Variants in TBL1X observed in about 807,000 individuals in gnomAD.
TBL1X encodes F-box-like/WD repeat-containing protein TBL1X.
In TBL1X, 10 loss-of-function variants were observed where a neutral mutation model predicts 50.7. The observed-to-expected ratio is 0.20, with a 90% CI of 0.12 to 0.33. TBL1X has a LOEUF of 0.33. Ranked by LOEUF, TBL1X falls within the 10% of genes least tolerant of loss-of-function variation. The pLI is 1.00. For missense variants in TBL1X, 340 were observed against 504.4 expected (o/e 0.67, Z 3.12); for synonymous variants, 190 against 214.7 (o/e 0.88, Z 1.01).
chrX:9,471,683 C>T (rs375812037), intron 1 of TBL1X, among the ~76,000 whole-genome samples: 4 of 111,747 alleles, frequency 3.6e-5, no homozygotes, highest in South Asian at 3.7e-4. Flanking sequence ...CCGGGGAGTG[C>T]GGCAGTTCTC....
At chrX:9,533,969 C>T (rs1043986604) in intron 2 of TBL1X, among the ~76,000 whole-genome samples, 3 of 111,492 alleles carry the variant, frequency 2.7e-5, no homozygotes, top group Non-Finnish European at 3.8e-5. Context: ...ACCGGCTTGC[C>T]GTGCCCAGTG....
chrX:9,502,326 C>T (rs2082005413), intron 2 of TBL1X, among the ~76,000 whole-genome samples: 1 of 112,457 alleles, frequency 8.9e-6, no homozygotes, highest in Non-Finnish European at 1.9e-5. Context: ...AGCCCTGCTT[C>T]CTCACTGGCT....
intron 1 of TBL1X, among the ~76,000 whole-genome samples, chrX:9,500,895 G>GT (rs1455068599): frequency 1.8e-5 from 2 of 112,025 alleles, no homozygotes; most frequent in Non-Finnish European, 3.8e-5. Flanking sequence ...GTGACACTGG[G>GT]TTAAGGAGTG....
rs187486638 is a variant in TBL1X at position 9,603,435 on chromosome X, G to C, written c.-130-36838G>C. On this transcript the variant is annotated intron_variant, in intron 2 of 17. Coordinates refer to ENST00000645353, the MANE Select transcript of TBL1X (RefSeq NM_005647.4). The stretch of plus-strand genomic sequence containing the variant: ...CATACACAGATGTACTTATTTATAG[G>C]TATACATTTGTGGACAAGAGTTGGT... Among the ~76,000 whole-genome samples the C allele has an allele frequency of 3.3e-3, 374 of 112,614 alleles. 1 individual carries two copies. The highest frequency in any genetic ancestry group is 0.012 in the African/African-American group (359 of 31,064).
chrX:9,706,692 A>G (rs1166656664), intron 13 of TBL1X, among the ~76,000 whole-genome samples: 5 of 111,565 alleles, frequency 4.5e-5, no homozygotes, highest in Admixed American at 9.5e-5. Flanking sequence ...GCCAATTTCT[A>G]TGGTCTCTAA....
chrX:9,598,031 T>C (rs774251381), intron 2 of TBL1X, among the ~76,000 whole-genome samples: 2 of 111,647 alleles, frequency 1.8e-5, no homozygotes, highest in East Asian at 5.7e-4. Context: ...CTTAACCGAG[T>C]GTGACTGGCT....
intron 2 of TBL1X, among the ~76,000 whole-genome samples, chrX:9,597,746 G>A (rs1281433867): frequency 2.7e-5 from 3 of 112,485 alleles, no homozygotes; most frequent in African/African-American, 9.7e-5. Flanking sequence ...CTTGCTCCTG[G>A]TGGTGCAGGC....
chrX:9,633,714 C>A (rs1938938681), intron 2 of TBL1X, among the ~76,000 whole-genome samples: 1 of 112,352 alleles, frequency 8.9e-6, no homozygotes, highest in African/African-American at 3.2e-5. Context: ...AACACATAGT[C>A]TTTTAACAGT....
chrX:9,473,842 C>T (rs1410095560), intron 1 of TBL1X, among the ~76,000 whole-genome samples: 2 of 112,397 alleles, frequency 1.8e-5, no homozygotes, highest in Admixed American at 9.4e-5. Flanking sequence ...CTCATAAGTT[C>T]GTGAAAATAA....
intron 5 of TBL1X, among the ~76,000 whole-genome samples, chrX:9,660,929 G>A (rs2082894658): frequency 8.9e-6 from 1 of 112,356 alleles, no homozygotes; most frequent in Admixed American, 9.4e-5. Context: ...CCTTTAGGAG[G>A]TGATGAAGTC....
At chrX:9,475,926 C>T (rs1382722498) in intron 1 of TBL1X, among the ~76,000 whole-genome samples, 4 of 112,368 alleles carry the variant, frequency 3.6e-5, no homozygotes, top group Non-Finnish European at 7.5e-5. Context: ...TACACTTGCG[C>T]AGTGCATTAG....
intron 2 of TBL1X, among the ~76,000 whole-genome samples, chrX:9,549,779 C>T (rs1284644165): frequency 8.9e-6 from 1 of 111,955 alleles, no homozygotes; most frequent in Non-Finnish European, 1.9e-5. Flanking sequence ...TCTGCGATGC[C>T]TTCACTTGAT....
chrX:9,717,223 T>G lies in TBL1X; in HGVS notation c.*977T>G, dbSNP rs1056898519. Reference sequence around the variant, plus strand: ...TTACAGGAGAAAAAAAAATGACTTATAAGAGAAAGAGCCTGGAGTATTTTT... The same window carrying G: ...TTACAGGAGAAAAAAAAATGACTTAGAAGAGAAAGAGCCTGGAGTATTTTT... On this transcript the variant is annotated 3_prime_UTR_variant, in exon 18 of 18. Coordinates refer to ENST00000645353, the MANE Select transcript of TBL1X (RefSeq NM_005647.4). 9.1e-6 allele frequency: 1 copy of G among 110,082 alleles called. No homozygotes were observed. Among genetic ancestry groups the G allele is most frequent in the Non-Finnish European group, 1.9e-5 (1 of 52,848 alleles). 9.1% of individuals were successfully genotyped at this position (110,082 alleles called of 1,213,427 possible).
At chrX:9,557,208 C>T (rs1312683385) in intron 2 of TBL1X, among the ~76,000 whole-genome samples, 9 of 112,192 alleles carry the variant, frequency 8.0e-5, no homozygotes, top group Admixed American at 3.8e-4. Flanking sequence ...TTAACCCCAA[C>T]GCCCTACTTT....
At chrX:9,597,107 A>C (rs2082530319) in intron 2 of TBL1X, among the ~76,000 whole-genome samples, 3 of 111,268 alleles carry the variant, frequency 2.7e-5, no homozygotes, top group Admixed American at 9.6e-5. Flanking sequence ...CTGATGGTAA[A>C]AGGAGGAGAG....
chrX:9,526,078 TGAGA>T (rs1569215199), intron 2 of TBL1X, among the ~76,000 whole-genome samples: 1 of 102,399 alleles, frequency 9.8e-6, no homozygotes, highest in African/African-American at 3.6e-5. Flanking sequence ...GGGGTCTGTG[TGAGA>T]GAGAGAACGT....
At chrX:9,643,068 G>A (rs11798939) in intron 3 of TBL1X, among the ~76,000 whole-genome samples, 32,387 of 111,373 alleles carry the variant, frequency 0.29, 3,666 homozygotes, top group Non-Finnish European at 0.35. Context: ...GGACTTTTAC[G>A]TAAGGAATTT....
At chrX:9,465,853 G>C (rs979462050) in intron 1 of TBL1X, among the ~76,000 whole-genome samples, 1 of 113,209 alleles carries the variant, frequency 8.8e-6, no homozygotes, top group Admixed American at 9.2e-5. Context: ...TCCGGGGACC[G>C]GGGTGGAGGG....
At chrX:9,686,095 C>T (rs754505343) in intron 6 of TBL1X, among the ~76,000 whole-genome samples, 75 of 111,387 alleles carry the variant, frequency 6.7e-4, no homozygotes, top group Admixed American at 6.7e-3. Context: ...GTTTTTTCCT[C>T]TCTTGTGCTC....
Sources: gnomAD v4.1 joint callset for allele counts (sites outside exome capture counted in the v4.1 genomes callset) on GRCh38, gnomAD v4.1.1 for gene constraint, MANE v1.5 for transcripts, NCBI Gene and HGNC (gene_info 2026-07-23, HGNC 2026-07-21) for gene names.